The following TTYH1 variants were observed in gnomAD, a reference collection of about 807,000 sequenced individuals.
TTYH1 encodes protein tweety homolog 1.
A neutral mutation model predicts 61.2 loss-of-function variants in TTYH1; 33 were observed. The ratio of observed to expected loss-of-function variants is 0.54; its 90% CI spans 0.41 to 0.72. The LOEUF is 0.72. TTYH1 is among the 30% of genes least tolerant of loss of function. TTYH1 has a pLI of 0.00. For missense variants in TTYH1, 538 were observed against 575.8 expected (o/e 0.93, Z 0.67); for synonymous variants, 308 against 266.4 (o/e 1.16, Z -1.52).
chr19:54,419,375 G>A lies in TTYH1; in HGVS notation c.305+69G>A, dbSNP rs547324487. 1.3e-6 allele frequency: 2 copies of A among 1,486,938 alleles called. No homozygotes were observed. Among genetic ancestry groups the A allele is most frequent in the Non-Finnish European group, 1.8e-6 (2 of 1,096,596 alleles). The allele number at this position is 1,486,938 out of a possible 1,614,324, so 92.1% of individuals were successfully genotyped here. On this transcript the variant is annotated intron_variant, in intron 2 of 13. Transcript: ENST00000376530. The surrounding 1 kb of genome is among the most constrained non-coding windows in gnomAD (Gnocchi z 6.1). Reference sequence around the variant, plus strand: ...CCAAGCTCTTTGCTGGCCTTCCTGGGGGTGTCCTCCGGGGACATGGAGGAA... The same window carrying A: ...CCAAGCTCTTTGCTGGCCTTCCTGGAGGTGTCCTCCGGGGACATGGAGGAA...
In TTYH1 at chr19:54,420,500, G is replaced by C. The variant is rs959211014; in HGVS notation, c.306-777G>C. On this transcript the variant is annotated intron_variant, in intron 2 of 13. Coordinates refer to ENST00000376530, the MANE Select transcript of TTYH1 (RefSeq NM_020659.4). The surrounding 1 kb of genome is among the most constrained non-coding windows in gnomAD (Gnocchi z 4.8). ...GGGGGTGGAGGCCCAGCCGGGGCTG[G>C]GAACCGGGAGGGTGTCAGGCTCCCG... Among the ~76,000 whole-genome samples, 4 of 151,874 alleles carry C rather than the reference G, an allele frequency of 2.6e-5. No individual in the cohort carries two copies. Among genetic ancestry groups the C allele is most frequent in the Admixed American group, 2.0e-4 (3 of 15,264 alleles).
At position 54,416,695 on chromosome 19, in the gene TTYH1, G is replaced by C. The variant is rs1225193206; in HGVS notation, c.126+1017G>C. On this transcript the variant is annotated intron_variant, in intron 1 of 13. Transcript: ENST00000376530. This position sits in a 1 kb window ranked among gnomAD's most constrained non-coding sequence, Gnocchi z 7.0. The stretch of plus-strand genomic sequence containing the variant: ...GAGTGCTGTGTTCTGAGCTATTTGG[G>C]TCACGGCTGGCACAGCCCTGAGCAG... 25 of 1,248,576 alleles carry C rather than the reference G, an allele frequency of 2.0e-5. No homozygotes were observed. The highest frequency in any genetic ancestry group is 2.3e-5 in the Non-Finnish European group (22 of 956,736). The allele number at this position is 1,248,576 out of a possible 1,614,324, so 77.3% of individuals were successfully genotyped here.
chr19:54,422,276 G>C lies in TTYH1; in HGVS notation c.504G>C (p.Leu168=). 6.4e-7 allele frequency: 1 copy of C among 1,567,132 alleles called. No homozygotes were observed. Among genetic ancestry groups the C allele is most frequent in the Non-Finnish European group, 8.6e-7 (1 of 1,156,460 alleles). Residue 168 remains leucine (L), a synonymous_variant, in exon 4 of 14, where the codon CTG becomes CTC. Coordinates refer to ENST00000376530, the MANE Select transcript of TTYH1 (RefSeq NM_020659.4). ...LEEVLEPRTE[L]VAAARGARRQ... ...AGGTGCTCGAGCCGCGCACGGAGCTGGTGGCTGCCGCCCGAGGGGCTCGAC... is the reference window on the plus strand; with the variant it reads ...AGGTGCTCGAGCCGCGCACGGAGCTCGTGGCTGCCGCCCGAGGGGCTCGAC...
rs140680845 is a variant in TTYH1 at position 54,426,767 on chromosome 19, G to A, written c.733G>A (p.Val245Met). The A allele has an allele frequency of 4.6e-5, 75 of 1,613,358 alleles. No individual in the cohort carries two copies. In the East Asian group the frequency reaches 1.2e-3, roughly 25 times the overall value. Reference sequence around the variant, plus strand: ...GAAGCAGAGCAAGTGGCTGGTGATCGTGTAAGTGCAGGCAGTAGGGGGACC... The same window carrying A: ...GAAGCAGAGCAAGTGGCTGGTGATCATGTAAGTGCAGGCAGTAGGGGGACC... Reference protein sequence around the residue: ...LAKQSKWLVIVMTVMSLLVLV... With the variant: ...LAKQSKWLVIMMTVMSLLVLV... Residue 245 changes from valine to methionine, a missense_variant and splice_region_variant, in exon 5 of 14, where the codon GTG becomes ATG. Transcript: ENST00000376530.
Position 54,436,304 on chromosome 19 carries a change from C to T in TTYH1, c.*43-29C>T. 5.0e-6 allele frequency: 8 copies of T among 1,614,102 alleles called. No homozygotes were observed. The highest frequency in any genetic ancestry group is 6.8e-6 in the Non-Finnish European group (8 of 1,179,988). The stretch of plus-strand genomic sequence containing the variant: ...ACCGGGCAGGCCCTCCAGCCTGCAT[C>T]ACTGCCCTGTCTCTCCCTCTCTCCG... On this transcript the variant is annotated intron_variant, in intron 13 of 13. Coordinates refer to ENST00000376530, the MANE Select transcript of TTYH1 (RefSeq NM_020659.4). The surrounding 1 kb of genome is among the most constrained non-coding windows in gnomAD (Gnocchi z 4.3).
In TTYH1 at chr19:54,416,039, A is replaced by T. The variant is rs2083071599; in HGVS notation, c.126+361A>T. Reference sequence around the variant, plus strand: ...AGGTCTACTCTTCCTGCCCTAAAAGATGACCCTGCCCCACAGGATCAGAGC... The same window carrying T: ...AGGTCTACTCTTCCTGCCCTAAAAGTTGACCCTGCCCCACAGGATCAGAGC... On this transcript the variant is annotated intron_variant, in intron 1 of 13. Coordinates refer to ENST00000376530, the MANE Select transcript of TTYH1 (RefSeq NM_020659.4). The surrounding 1 kb of genome is among the most constrained non-coding windows in gnomAD (Gnocchi z 7.0). The T allele has an allele frequency of 7.6e-7, 1 of 1,316,740 alleles. No homozygotes were observed. Among genetic ancestry groups the T allele is most frequent in the Non-Finnish European group, 1.0e-6 (1 of 997,336 alleles). 81.6% of individuals were successfully genotyped at this position (1,316,740 alleles called of 1,614,324 possible). A position where few individuals can be genotyped will look rare whatever the true frequency, so the allele number is the denominator to read the frequency against.
chr19:54,423,783 G>A (rs746074918), intron 4 of TTYH1, among the ~76,000 whole-genome samples: 31 of 152,186 alleles, frequency 2.0e-4, no homozygotes, highest in Non-Finnish European at 3.7e-4. Context: ...TCCCTGCCAC[G>A]TGGCTGCGTC....
Position 54,416,205 on chromosome 19 carries a change from G to C in TTYH1, c.126+527G>C, listed in dbSNP as rs970516590. On this transcript the variant is annotated intron_variant, in intron 1 of 13. Transcript: ENST00000376530. The surrounding 1 kb of genome is among the most constrained non-coding windows in gnomAD (Gnocchi z 7.0). The stretch of plus-strand genomic sequence containing the variant: ...AGGGGGCTTCAGGGGCTGAGGACCA[G>C]GGCTGGAAAATGAAGGGGCTCTGGG... 3.5e-6 allele frequency: 2 copies of C among 568,570 alleles called. No homozygotes were observed. Among genetic ancestry groups the C allele is most frequent in the Non-Finnish European group, 2.9e-6 (1 of 342,088 alleles). The allele number at this position is 568,570 out of a possible 1,614,324, so 35.2% of individuals were successfully genotyped here.
At chr19:54,433,311 A>T (rs1010168154) in intron 10 of TTYH1, 1 of 152,274 alleles carries the variant, frequency 6.6e-6, no homozygotes, top group African/African-American at 2.4e-5. Context: ...TAATCCCAGC[A>T]CTTTGGGAAA....
chr19:54,436,503 T>A lies in TTYH1; in HGVS notation c.*213T>A. 9.9e-7 allele frequency: 1 copy of A among 1,005,402 alleles called. No individual in the cohort carries two copies. Among genetic ancestry groups the A allele is most frequent in the Non-Finnish European group, 1.5e-6 (1 of 658,992 alleles). 62.3% of individuals were successfully genotyped at this position (1,005,402 alleles called of 1,614,324 possible). On this transcript the variant is annotated 3_prime_UTR_variant, in exon 14 of 14. Transcript: ENST00000376530. The surrounding 1 kb of genome is among the most constrained non-coding windows in gnomAD (Gnocchi z 4.3). Reference sequence around the variant, plus strand: ...GTAGCTGAGGGGGCAGACTAGGGAGTAGGGCTGGCAGGGGAGGGGGCAGAC... The same window carrying A: ...GTAGCTGAGGGGGCAGACTAGGGAGAAGGGCTGGCAGGGGAGGGGGCAGAC...
Position 54,430,673 on chromosome 19 carries a change from C to CGGGGAT in TTYH1, c.939+72_939+73insATGGGG, listed in dbSNP as rs1177328550. The CGGGGAT allele has an allele frequency of 9.0e-6, 4 of 445,208 alleles. No individual in the cohort carries two copies. The East Asian group carries it at 2.6e-4, about 29-fold the overall frequency. 27.6% of individuals were successfully genotyped at this position (445,208 alleles called of 1,614,324 possible). ...AAATCTGGACTCTGAAGGGAGGGGG[C>CGGGGAT]GGGGCTGGGGCTGGGGCCTGGACTC... is the stretch of plus-strand genomic sequence containing the variant. On this transcript the variant is annotated intron_variant, in intron 8 of 13. Coordinates refer to ENST00000376530, the MANE Select transcript of TTYH1 (RefSeq NM_020659.4).
intron 10 of TTYH1, chr19:54,432,954 C>T (rs1169365408): frequency 6.6e-6 from 1 of 152,140 alleles, no homozygotes; most frequent in Non-Finnish European, 1.5e-5. Context: ...ACTGGCATTC[C>T]AAAAAGGGAG....
chr19:54,421,395 G>T lies in TTYH1; in HGVS notation c.417+7G>T, dbSNP rs372312835. 5.6e-6 allele frequency: 9 copies of T among 1,601,912 alleles called. No individual in the cohort carries two copies. The highest frequency in any genetic ancestry group is 6.8e-6 in the Non-Finnish European group (8 of 1,169,234). ...CAGCACCATTGACCACCTGGTGAGG[G>T]GCCAGCAACCAGTGGGACCCCAGAC... is the stretch of plus-strand genomic sequence containing the variant. On this transcript the variant is annotated splice_region_variant and intron_variant, in intron 3 of 13. Coordinates refer to ENST00000376530, the MANE Select transcript of TTYH1 (RefSeq NM_020659.4). This position sits in a 1 kb window ranked among gnomAD's most constrained non-coding sequence, Gnocchi z 4.8.
At position 54,416,752 on chromosome 19, in the gene TTYH1, TC is replaced by T. The variant is rs2083086145; in HGVS notation, c.126+1078del. 1 of 1,291,584 alleles carries T rather than the reference TC, an allele frequency of 7.7e-7. No homozygotes were observed. Among genetic ancestry groups the T allele is most frequent in the Non-Finnish European group, 1.0e-6 (1 of 988,412 alleles). The allele number at this position is 1,291,584 out of a possible 1,614,324, so 80.0% of individuals were successfully genotyped here. On this transcript the variant is annotated intron_variant, in intron 1 of 13. Transcript: ENST00000376530. This position sits in a 1 kb window ranked among gnomAD's most constrained non-coding sequence, Gnocchi z 7.0. ...CCCGCCTGCTCCTCGCCGCCCCCTC[TC>T]CCCACACACGGGGACCGCCGTCCCC...
At chr19:54,426,299 C>A (rs2122904008) in intron 4 of TTYH1, among the ~76,000 whole-genome samples, 1 of 152,230 alleles carries the variant, frequency 6.6e-6, no homozygotes, top group East Asian at 1.9e-4. Flanking sequence ...TCCAGGGATG[C>A]GATGGGATCT....
chr19:54,435,613 C>T lies in TTYH1; in HGVS notation c.1197C>T (p.Ser399=), dbSNP rs773864293. Residue 399 remains serine (S), a synonymous_variant, in exon 11 of 14, where the codon TCC becomes TCT. Transcript: ENST00000376530. Reference sequence around the variant, plus strand: ...GCCTGCTCTTCCTGCTACTCTTCTCCCTGCTGTCTGCAGGAGCGCTGGCCA... The same window carrying T: ...GCCTGCTCTTCCTGCTACTCTTCTCTCTGCTGTCTGCAGGAGCGCTGGCCA... ...LEGLLFLLLF[S]LLSAGALATA... is the part of the protein sequence containing the mutation. 1.9e-6 allele frequency: 3 copies of T among 1,612,088 alleles called. No homozygotes were observed. Among genetic ancestry groups the T allele is most frequent in the Admixed American group, 1.7e-5 (1 of 59,958 alleles).
Position 54,429,485 on chromosome 19 carries a change from G to A in TTYH1, c.807+106G>A. The stretch of plus-strand genomic sequence containing the variant: ...GCTTAGTAGAGAAAGGAATTGGGGG[G>A]CACGATCACAGCTCTGAGGTTTAGG... On this transcript the variant is annotated intron_variant, in intron 6 of 13. Coordinates refer to ENST00000376530, the MANE Select transcript of TTYH1 (RefSeq NM_020659.4). The surrounding 1 kb of genome is among the most constrained non-coding windows in gnomAD (Gnocchi z 5.1). 9.6e-7 allele frequency: 1 copy of A among 1,045,804 alleles called. No individual in the cohort carries two copies. The highest frequency in any genetic ancestry group is 2.4e-5 in the East Asian group (1 of 41,638). 64.8% of individuals were successfully genotyped at this position (1,045,804 alleles called of 1,614,324 possible).
At position 54,436,846 on chromosome 19, in the gene TTYH1, G is replaced by C; in HGVS notation, c.*556G>C. On this transcript the variant is annotated 3_prime_UTR_variant, in exon 14 of 14. Transcript: ENST00000376530. This position sits in a 1 kb window ranked among gnomAD's most constrained non-coding sequence, Gnocchi z 4.3. ...GAATTTCTGCGCCTGTCCAGGCTCA[G>C]CAAGGGGTCCAAAGACATTGTTCTT... is the stretch of plus-strand genomic sequence containing the variant. 6.3e-6 allele frequency: 1 copy of C among 159,836 alleles called. No individual in the cohort carries two copies. The allele number at this position is 159,836 out of a possible 1,614,324, so 9.9% of individuals were successfully genotyped here.
chr19:54,429,411 G>A lies in TTYH1; in HGVS notation c.807+32G>A. 1 of 1,600,438 alleles carries A rather than the reference G, an allele frequency of 6.2e-7. No individual in the cohort carries two copies. The highest frequency in any genetic ancestry group is 8.6e-7 in the Non-Finnish European group (1 of 1,168,972). On this transcript the variant is annotated intron_variant, in intron 6 of 13. Coordinates refer to ENST00000376530, the MANE Select transcript of TTYH1 (RefSeq NM_020659.4). This position sits in a 1 kb window ranked among gnomAD's most constrained non-coding sequence, Gnocchi z 5.1. ...GCCAGGGCCGGGCCATTGGGCTCTG[G>A]GACTCAGGGGGCCTGGAGACTTCAA...
Sources: allele counts gnomAD v4.1 joint callset (sites outside exome capture counted in the v4.1 genomes callset), GRCh38; gene constraint gnomAD v4.1.1; non-coding constraint Gnocchi (gnomAD v3.1); transcripts MANE v1.5; gene names NCBI Gene and HGNC (gene_info 2026-07-23, HGNC 2026-07-21).